The following CAV2 variants were observed in gnomAD, a reference collection of about 807,000 sequenced individuals.
CAV2 encodes the protein caveolin 2, also known as caveolin-2.
A neutral mutation model predicts 15.5 loss-of-function variants in CAV2; 7 were observed. The ratio of observed to expected loss-of-function variants is 0.45; its 90% CI spans 0.26 to 0.85. CAV2 has a LOEUF of 0.85. CAV2 is among the 40% of genes least tolerant of loss of function. The probability of loss-of-function intolerance (pLI) is 0.18; values close to 1 mark genes in which losing one functional copy is unlikely to be tolerated. For synonymous variants in CAV2, 76 were observed against 83.1 expected, an observed-to-expected ratio of 0.91 and a Z score of 0.46; for missense variants, 229 against 208.8, an observed-to-expected ratio of 1.10 and a Z score of -0.60.
At position 116,503,920 on chromosome 7, in the gene CAV2, A is replaced by AG. The variant is rs1458769983; in HGVS notation, c.339-2049dup. On this transcript the variant is annotated intron_variant, in intron 2 of 2. Coordinates refer to ENST00000222693, the MANE Select transcript of CAV2 (RefSeq NM_001233.5). ...GAGGGAGGGAGGGAGGGAGGAAGGA[A>AG]GGAAGGGAGGGAGGGAGGGAGGGAG... is the stretch of plus-strand genomic sequence containing the variant. Among the ~76,000 whole-genome samples the AG allele has an allele frequency of 5.8e-3, 467 of 80,880 alleles. 12 individuals are homozygous for AG. Among genetic ancestry groups the AG allele is most frequent in the African/African-American group, 0.022 (445 of 20,524 alleles). The allele number at this position is 80,880 out of a possible 152,430, so 53.1% of individuals were successfully genotyped here. A position where few individuals can be genotyped will look rare whatever the true frequency, so the allele number is the denominator to read the frequency against.
rs1315225458 is a variant in CAV2, at chr7:116,503,919, A to C, written c.339-2052A>C. On this transcript the variant is annotated intron_variant, in intron 2 of 2. Transcript: ENST00000222693. ...GGAGGGAGGGAGGGAGGGAGGAAGG[A>C]AGGAAGGGAGGGAGGGAGGGAGGGA... Among the ~76,000 whole-genome samples the C allele has an allele frequency of 2.9e-3, 194 of 67,942 alleles. 4 individuals are homozygous for C. The highest frequency in any genetic ancestry group is 0.01 in the African/African-American group (180 of 17,262). 44.6% of individuals were successfully genotyped at this position (67,942 alleles called of 152,430 possible). A position where few individuals can be genotyped will look rare whatever the true frequency, so the allele number is the denominator to read the frequency against.
intron 2 of CAV2, chr7:116,501,146 A>G (rs1385936564): frequency 1.3e-5 from 2 of 152,250 alleles, no homozygotes; most frequent in African/African-American, 4.8e-5. Context: ...ATGGAAGCCC[A>G]CTGTATATTG....
chr7:116,500,192 A>G (rs570074462), intron 1 of CAV2, 68 bp from the exon 2 acceptor site: 2 of 1,566,952 alleles, frequency 1.3e-6, no homozygotes, highest in Admixed American at 1.8e-5. Flanking sequence ...CCCCCGCCCA[A>G]AGCGCTCCCG....
chr7:116,499,975 G>C (rs1471565062), intron 1 of CAV2, 44 bp downstream of exon 1: 2 of 1,595,788 alleles, frequency 1.3e-6, no homozygotes, highest in Non-Finnish European at 1.7e-6. Context: ...CTGAGGCCGG[G>C]AGGTGCGGGC....
chr7:116,502,659 G>T (rs1793130689), intron 2 of CAV2, among the ~76,000 whole-genome samples: 1 of 152,108 alleles, frequency 6.6e-6, no homozygotes, highest in African/African-American at 2.4e-5. Context: ...CAAAAAGTTA[G>T]TGGTGACCAA....
rs1793248263 is a variant in CAV2 at position 116,506,809 on chromosome 7, G to A, written c.*688G>A. ...AAAGCATTTTTATTATATTTATGTT[G>A]TTGAACTAATATATGAAATAAGTAA... On this transcript the variant is annotated 3_prime_UTR_variant, in exon 3 of 3. Transcript: ENST00000222693. 6.6e-6 allele frequency: 1 copy of A among 152,052 alleles called. No homozygotes were observed. The highest frequency in any genetic ancestry group is 2.1e-4 in the South Asian group (1 of 4,828). The allele number at this position is 152,052 out of a possible 1,614,324, so 9.4% of individuals were successfully genotyped here.
intron 2 of CAV2, among the ~76,000 whole-genome samples, chr7:116,502,993 G>A (rs181437979): frequency 2.6e-5 from 4 of 152,188 alleles, no homozygotes; most frequent in Admixed American, 2.0e-4. Context: ...ATGGAAATGC[G>A]ATAGTAGCAA....
chr7:116,502,320 A>G (rs1793123204), intron 2 of CAV2, among the ~76,000 whole-genome samples: 1 of 152,192 alleles, frequency 6.6e-6, no homozygotes, highest in South Asian at 2.1e-4. Context: ...ACCTTTTTTT[A>G]GCCACATAAA....
Position 116,499,837 on chromosome 7 carries a change from A to G in CAV2, c.56A>G (p.Tyr19Cys), listed in dbSNP as rs779573020. The G allele has an allele frequency of 1.2e-6, 2 of 1,606,944 alleles. No homozygotes were observed. Among genetic ancestry groups the G allele is most frequent in the Admixed American group, 3.4e-5 (2 of 59,246 alleles). The change falls in exon 1 of 3, where the codon TAC (tyrosine) becomes TGC (cysteine). Residue 19 changes from tyrosine to cysteine, a missense_variant. Physicochemically the swap from Tyr to Cys is radical, Grantham distance 194. Coordinates refer to ENST00000222693, the MANE Select transcript of CAV2 (RefSeq NM_001233.5). ...DVQLFMDDDS[Y>C]SHHSGLEYAD... Reference sequence around the variant, plus strand: ...CAGCTCTTCATGGACGACGACTCCTACAGCCACCACAGCGGCCTCGAGTAC... The same window carrying G: ...CAGCTCTTCATGGACGACGACTCCTGCAGCCACCACAGCGGCCTCGAGTAC...
At position 116,499,778 on chromosome 7, in the gene CAV2, T is replaced by C; in HGVS notation, c.-4T>C. On this transcript the variant is annotated 5_prime_UTR_variant, in exon 1 of 3. Coordinates refer to ENST00000222693, the MANE Select transcript of CAV2 (RefSeq NM_001233.5). ...GGCTGCAGCGGCCGCGCACCAAGGC[T>C]GCGATGGGGCTGGAGACGGAGAAGG... The C allele has an allele frequency of 1.3e-6, 2 of 1,549,552 alleles. No individual in the cohort carries two copies. Among genetic ancestry groups the C allele is most frequent in the Non-Finnish European group, 1.7e-6 (2 of 1,149,972 alleles).
At chr7:116,503,344 A>C (rs143159918) in intron 2 of CAV2, among the ~76,000 whole-genome samples, 32 of 152,214 alleles carry the variant, frequency 2.1e-4, no homozygotes, top group Admixed American at 3.9e-4. Context: ...AAAATGAGGG[A>C]ACACAAGTAA....
chr7:116,500,214 G>C (rs768506237), intron 1 of CAV2, 46 bp from the exon 2 acceptor site: 4 of 1,585,800 alleles, frequency 2.5e-6, no homozygotes, highest in Non-Finnish European at 3.4e-6. Flanking sequence ...TTCCCGGGGC[G>C]TCAGGTTGGC....
chr7:116,502,404 G>A (rs35062002), intron 2 of CAV2, among the ~76,000 whole-genome samples: 10,884 of 152,038 alleles, frequency 0.072, 606 homozygotes, highest in East Asian at 0.16. Context: ...ATATTTAACT[G>A]TAAAACATTT....
intron 1 of CAV2, 117 bp from the exon 2 acceptor site, chr7:116,500,138 TAAGAG>T: frequency 6.7e-7 from 1 of 1,498,084 alleles, no homozygotes; most frequent in Non-Finnish European, 8.8e-7. Flanking sequence ...ACCGTGACCC[TAAGAG>T]AAGAGGCGGA....
At chr7:116,500,085 C>T in intron 1 of CAV2, 154 bp downstream of exon 1, 2 of 1,467,580 alleles carry the variant, frequency 1.4e-6, no homozygotes, top group Non-Finnish European at 1.8e-6. Flanking sequence ...GTCACCAGGC[C>T]GCCCGCGTAG....
chr7:116,503,533 G>A lies in CAV2; in HGVS notation c.339-2438G>A, dbSNP rs889217017. Among the ~76,000 whole-genome samples, 20 of 152,098 alleles carry A rather than the reference G, an allele frequency of 1.3e-4. No individual in the cohort carries two copies. In the South Asian group the frequency reaches 3.5e-3, roughly 27 times the overall value. On this transcript the variant is annotated intron_variant, in intron 2 of 2. Transcript: ENST00000222693. ...TTGTTAGCCTAAGGAAGAATAGAAAGTACATTGTATTCTGGCTGGGAGCAG... is the reference window on the plus strand; with the variant it reads ...TTGTTAGCCTAAGGAAGAATAGAAAATACATTGTATTCTGGCTGGGAGCAG...
Position 116,508,192 on chromosome 7 carries a change from T to G in CAV2, c.*2071T>G, listed in dbSNP as rs1205404993. 1 of 152,226 alleles carries G rather than the reference T, an allele frequency of 6.6e-6. No homozygotes were observed. Among genetic ancestry groups the G allele is most frequent in the Non-Finnish European group, 1.5e-5 (1 of 68,044 alleles). 9.4% of individuals were successfully genotyped at this position (152,226 alleles called of 1,614,324 possible). ...ACATTTTTTATACATTTGGTTATGTTGATAAACCAAAAACATTTGATTAAT... is the reference window on the plus strand; with the variant it reads ...ACATTTTTTATACATTTGGTTATGTGGATAAACCAAAAACATTTGATTAAT... On this transcript the variant is annotated 3_prime_UTR_variant, in exon 3 of 3. Coordinates refer to ENST00000222693, the MANE Select transcript of CAV2 (RefSeq NM_001233.5).
intron 2 of CAV2, among the ~76,000 whole-genome samples, chr7:116,503,348 C>A (rs147484491): frequency 1.3e-5 from 2 of 152,076 alleles, no homozygotes; most frequent in South Asian, 2.1e-4. Flanking sequence ...TGAGGGAACA[C>A]AAGTAAACAA....
At chr7:116,504,752 C>A (rs1793191561) in intron 2 of CAV2, among the ~76,000 whole-genome samples, 1 of 152,164 alleles carries the variant, frequency 6.6e-6, no homozygotes, top group Non-Finnish European at 1.5e-5. Flanking sequence ...TAGAAAATTA[C>A]ATATAAAATT....
Sources: allele counts gnomAD v4.1 joint callset (sites outside exome capture counted in the v4.1 genomes callset), GRCh38; gene constraint gnomAD v4.1.1; transcripts MANE v1.5; gene names NCBI Gene and HGNC (gene_info 2026-07-23, HGNC 2026-07-21).